LUZP2: variants seen among roughly 807,000 people sequenced by gnomAD.
LUZP2 encodes leucine zipper protein 2.
LUZP2 carries 52 observed loss-of-function variants against 51.6 expected under a neutral mutation model. That is an observed-to-expected ratio of 1.01 (90% CI 0.81 to 1.27). The LOEUF is 1.27. Ranked by LOEUF, LUZP2 falls within the 50% of genes most tolerant of loss-of-function variation. The pLI, the probability that LUZP2 is intolerant of heterozygous loss-of-function variation, is 0.00. For synonymous variants in LUZP2, 154 were observed against 137.3 expected, an observed-to-expected ratio of 1.12 and a Z score of -0.85; for missense variants, 436 against 395.4, an observed-to-expected ratio of 1.10 and a Z score of -0.87.
intron 5 of LUZP2, among the ~76,000 whole-genome samples, chr11:24,878,111 T>TTTTTTTTTTA (rs1852334783): frequency 6.6e-6 from 1 of 150,980 alleles, no homozygotes. Context: ...TTTTTTTTTT[T>TTTTTTTTTTA]TTTTTTGGTG....
intron 7 of LUZP2, among the ~76,000 whole-genome samples, chr11:24,922,746 T>C (rs559699514): frequency 6.7e-6 from 1 of 148,296 alleles, no homozygotes; most frequent in Non-Finnish European, 1.5e-5. Context: ...ATTGTTATCT[T>C]ATGGATTAGA....
intron 9 of LUZP2, among the ~76,000 whole-genome samples, chr11:24,991,561 C>T (rs1004038431): frequency 6.6e-6 from 1 of 151,342 alleles, no homozygotes; most frequent in Non-Finnish European, 1.5e-5. Flanking sequence ...CATTTAATGA[C>T]TTTTTTCCTC....
intron 9 of LUZP2, among the ~76,000 whole-genome samples, chr11:25,045,791 G>T (rs1179396941): frequency 1.7e-5 from 2 of 115,182 alleles, no homozygotes; most frequent in African/African-American, 6.2e-5. Context: ...CACTATCTCA[G>T]AACTTGTTTG....
intron 1 of LUZP2, among the ~76,000 whole-genome samples, chr11:24,664,693 C>G (rs534884752): frequency 6.6e-6 from 1 of 152,314 alleles, no homozygotes; most frequent in East Asian, 1.9e-4. Flanking sequence ...ATACAGCTTA[C>G]ATCATTGCTT....
At chr11:24,966,241 A>G (rs535883038) in intron 7 of LUZP2, among the ~76,000 whole-genome samples, 134 of 151,692 alleles carry the variant, frequency 8.8e-4, no homozygotes, top group African/African-American at 3.1e-3. Flanking sequence ...TTTACTACCT[A>G]AGTCTATTTA....
At chr11:24,870,482 CACACACAG>C (rs1852030325) in intron 5 of LUZP2, among the ~76,000 whole-genome samples, 1 of 20,662 alleles carries the variant, frequency 4.8e-5, no homozygotes, top group South Asian at 2.8e-3. Flanking sequence ...CACACACACA[CACACACAG>C]ACACACACAC....
chr11:25,022,133 A>G (rs1017248920), intron 9 of LUZP2, among the ~76,000 whole-genome samples: 5 of 152,032 alleles, frequency 3.3e-5, no homozygotes, highest in African/African-American at 1.2e-4. Flanking sequence ...CTCATTTTTA[A>G]TGCCTTTGCT....
At chr11:25,077,884 C>G (rs532112275) in intron 11 of LUZP2, among the ~76,000 whole-genome samples, 1 of 152,206 alleles carries the variant, frequency 6.6e-6, no homozygotes, top group East Asian at 1.9e-4. Flanking sequence ...CCATGGTGCC[C>G]CTGGGCTTTT....
rs191935748 is a variant in LUZP2 at position 25,022,715 on chromosome 11, G to A, written c.766-27323G>A. ...CCTAAATCAATAGTACTGGACAGAG[G>A]CTTACAGATTCTCTATATTTCTATT... On this transcript the variant is annotated intron_variant, in intron 9 of 11. Coordinates refer to ENST00000336930, the MANE Select transcript of LUZP2 (RefSeq NM_001009909.4). Among the ~76,000 whole-genome samples the A allele has an allele frequency of 3.9e-5, 6 of 152,056 alleles. No homozygotes were observed. In the East Asian group the frequency reaches 9.7e-4, roughly 25 times the overall value.
At chr11:24,498,277 AC>A (rs1484895825) in intron 1 of LUZP2, among the ~76,000 whole-genome samples, 1 of 152,194 alleles carries the variant, frequency 6.6e-6, no homozygotes, top group African/African-American at 2.4e-5. Context: ...GTGAATAGAA[AC>A]ATTATTTGAT....
chr11:24,597,220 T>C (rs1286364350), intron 1 of LUZP2, among the ~76,000 whole-genome samples: 3 of 152,188 alleles, frequency 2.0e-5, no homozygotes, highest in Non-Finnish European at 4.4e-5. Flanking sequence ...AAATCTATCT[T>C]TTTAAAATTT....
intron 5 of LUZP2, among the ~76,000 whole-genome samples, chr11:24,771,984 C>T (rs1385429670): frequency 6.6e-6 from 1 of 152,108 alleles, no homozygotes; most frequent in Non-Finnish European, 1.5e-5. Context: ...TCAGTTATGT[C>T]TTTATTAGCA....
At chr11:24,698,936 T>C (rs546109456) in intron 1 of LUZP2, among the ~76,000 whole-genome samples, 2 of 152,144 alleles carry the variant, frequency 1.3e-5, no homozygotes, top group South Asian at 4.1e-4. Flanking sequence ...TGCACACCTG[T>C]AGTCCCAGTT....
At chr11:24,627,394 G>T (rs571863023) in intron 1 of LUZP2, among the ~76,000 whole-genome samples, 6 of 152,192 alleles carry the variant, frequency 3.9e-5, no homozygotes, top group Non-Finnish European at 8.8e-5. Context: ...AGGCACTGTT[G>T]TGGGGGACCA....
At chr11:24,660,396 T>C (rs149583040) in intron 1 of LUZP2, among the ~76,000 whole-genome samples, 212 of 152,322 alleles carry the variant, frequency 1.4e-3, no homozygotes, top group African/African-American at 5.0e-3. Flanking sequence ...GATGTGAAAA[T>C]ATCTGTGTTT....
intron 5 of LUZP2, among the ~76,000 whole-genome samples, chr11:24,904,138 T>C (rs2133784408): frequency 6.6e-6 from 1 of 152,284 alleles, no homozygotes; most frequent in East Asian, 1.9e-4. Context: ...TCAGTACTTG[T>C]TATTTTTTGC....
At chr11:24,920,314 G>A (rs1246985545) in intron 7 of LUZP2, among the ~76,000 whole-genome samples, 1 of 151,932 alleles carries the variant, frequency 6.6e-6, no homozygotes, top group Admixed American at 6.6e-5. Flanking sequence ...TCAGGGAATT[G>A]GTAGTCCAGT....
At chr11:24,577,798 C>T (rs1241492349) in intron 1 of LUZP2, among the ~76,000 whole-genome samples, 1 of 152,038 alleles carries the variant, frequency 6.6e-6, no homozygotes, top group Non-Finnish European at 1.5e-5. Flanking sequence ...AACTGAAATT[C>T]AGAGGTATTT....
At chr11:25,043,945 T>C (rs1858163418) in intron 9 of LUZP2, among the ~76,000 whole-genome samples, 1 of 98,086 alleles carries the variant, frequency 1.0e-5, no homozygotes, top group Non-Finnish European at 2.2e-5. Flanking sequence ...CCTCTACATA[T>C]ATCTGATATA....
Sources: gnomAD v4.1 joint callset for allele counts (sites outside exome capture counted in the v4.1 genomes callset) on GRCh38, gnomAD v4.1.1 for gene constraint, MANE v1.5 for transcripts, NCBI Gene and HGNC (gene_info 2026-07-23, HGNC 2026-07-21) for gene names.